Variants in MCF2 observed in about 807,000 individuals in gnomAD.
MCF2 encodes MCF.2 cell line derived transforming sequence, also known as proto-oncogene DBL.
MCF2 carries 44 observed loss-of-function variants against 82.5 expected under a neutral mutation model. The ratio of observed to expected loss-of-function variants is 0.53; its 90% CI spans 0.42 to 0.69. MCF2 has a LOEUF of 0.69. Ranked by LOEUF, MCF2 falls within the 30% of genes least tolerant of loss-of-function variation. The pLI is 0.00. For synonymous variants in MCF2, 217 were observed against 224.9 expected (o/e 0.96, Z 0.32); for missense variants, 623 against 663.1 (o/e 0.94, Z 0.66).
chrX:139,608,390 C>T (rs1382113463), intron 11 of MCF2, among the ~76,000 whole-genome samples: 1 of 111,359 alleles, frequency 9.0e-6, no homozygotes, highest in Non-Finnish European at 1.9e-5. Context: ...ACATGTTAGT[C>T]GCTATAAGTT....
At chrX:139,598,378 GAAAC>G (rs1930273927) in intron 17 of MCF2, 24 bp downstream of exon 21, 1 of 993,839 alleles carries the variant, frequency 1.0e-6, no homozygotes, top group Admixed American at 2.3e-5. Flanking sequence ...AAAAAGTAAA[GAAAC>G]AAACAAATGC....
At chrX:139,707,461 A>T (rs895196841) in intron 1 of MCF2, among the ~76,000 whole-genome samples, 1 of 111,405 alleles carries the variant, frequency 9.0e-6, no homozygotes, top group Non-Finnish European at 1.9e-5. Context: ...TTTGCTCTCC[A>T]AGTCTACATC....
At chrX:139,693,993 G>T (rs1935331581) in intron 1 of MCF2, among the ~76,000 whole-genome samples, 1 of 111,900 alleles carries the variant, frequency 8.9e-6, no homozygotes, top group Admixed American at 9.5e-5. Flanking sequence ...ATGTGTATGG[G>T]GATAGAAAAT....
At chrX:139,616,331 G>T (rs756317631) in exon 9 of MCF2, 2 of 1,166,364 alleles carry the variant, frequency 1.7e-6, no homozygotes, top group East Asian at 6.0e-5. Context: ...CAGTGTTTCA[G>T]GTTCATAATT....
intron 4 of MCF2, among the ~76,000 whole-genome samples, chrX:139,628,259 G>T (rs1403141286): frequency 8.9e-6 from 1 of 111,875 alleles, no homozygotes; most frequent in Non-Finnish European, 1.9e-5. Context: ...TAAAGAAAAT[G>T]TGGTACACAT....
At position 139,629,765 on chromosome X, in the gene MCF2, T is replaced by A. The variant is rs370549401; in HGVS notation, c.368A>T (p.Glu123Val). The A allele has an allele frequency of 5.0e-6, 6 of 1,208,003 alleles. No individual in the cohort carries two copies. The highest frequency in any genetic ancestry group is 2.2e-5 in the Admixed American group (1 of 45,933). Reference sequence around the variant, plus strand: ...TATTGAGGGAATATCATCTGGTAGTTCTGTCTCAGCCAGTTCAGTTCCAAA... The same window carrying A: ...TATTGAGGGAATATCATCTGGTAGTACTGTCTCAGCCAGTTCAGTTCCAAA... Residue 123 changes from glutamate (E) to valine (V), a missense_variant, in exon 4 of 25, where the codon GAA (glutamate) becomes GTA (valine). By Grantham distance (121) the Glu-to-Val change is moderately radical. Transcript: ENST00000370576.
rs773454383 is a variant in MCF2 at position 139,607,732 on chromosome X, G to A, written c.1449C>T (p.Ser483=). 3 of 1,203,992 alleles carry A rather than the reference G, an allele frequency of 2.5e-6. No homozygotes were observed. In the African/African-American group the frequency reaches 5.3e-5, roughly 21 times the overall value. ...AGCTATTGCCATTGTCCAAACTGGAGGATGGACCAGAACTTCTCTTCTCCT... is the reference window on the plus strand; with the variant it reads ...AGCTATTGCCATTGTCCAAACTGGAAGATGGACCAGAACTTCTCTTCTCCT... Residue 483 remains serine, a synonymous_variant, in exon 12 of 25, where the codon TCC becomes TCT. Transcript: ENST00000370576.
chrX:139,651,149 G>A (rs959082383), intron 2 of MCF2, among the ~76,000 whole-genome samples: 1 of 98,853 alleles, frequency 1.0e-5, no homozygotes, highest in Non-Finnish European at 1.9e-5. Flanking sequence ...ACTTAATGCC[G>A]CTGAACTGTA....
intron 1 of MCF2, among the ~76,000 whole-genome samples, chrX:139,705,395 T>C (rs975842655): frequency 4.5e-5 from 5 of 111,721 alleles, no homozygotes; most frequent in Non-Finnish European, 9.4e-5. Context: ...AATAGAGAAC[T>C]CAGAAATAAA....
At chrX:139,620,062 T>C (rs1932240894) in intron 6 of MCF2, among the ~76,000 whole-genome samples, 1 of 107,370 alleles carries the variant, frequency 9.3e-6, no homozygotes, top group Non-Finnish European at 1.9e-5. Flanking sequence ...AACAAAATCT[T>C]ACCTGAGAAT....
intron 2 of MCF2, among the ~76,000 whole-genome samples, chrX:139,650,100 A>G (rs1348709436): frequency 8.9e-6 from 1 of 112,035 alleles, no homozygotes; most frequent in Non-Finnish European, 1.9e-5. Flanking sequence ...CATGCCTGTA[A>G]TCACAGCACT....
intron 19 of MCF2, among the ~76,000 whole-genome samples, chrX:139,595,446 A>C (rs1929979377): frequency 9.3e-6 from 1 of 108,070 alleles, no homozygotes; most frequent in Admixed American, 1.0e-4. Context: ...ATGAAATTGG[A>C]AATCATCATT....
Position 139,616,481 on chromosome X carries a change from G to T in MCF2, c.1000-8C>A, listed in dbSNP as rs1223620696. 2.1e-6 allele frequency: 2 copies of T among 953,874 alleles called. No individual in the cohort carries two copies. The highest frequency in any genetic ancestry group is 1.4e-6 in the Non-Finnish European group (1 of 734,968). The allele number at this position is 953,874 out of a possible 1,213,427, so 78.6% of individuals were successfully genotyped here. On this transcript the variant is annotated splice_polypyrimidine_tract_variant and splice_region_variant and intron_variant, in intron 8 of 24. Transcript: ENST00000370576. Reference sequence around the variant, plus strand: ...ATCACAGCATTGACGAGCCTGGTAAGAAAATCAAGAAGAAAAAAAAAAAAT... The same window carrying T: ...ATCACAGCATTGACGAGCCTGGTAATAAAATCAAGAAGAAAAAAAAAAAAT...
upstream of MCF2, chrX:139,646,925 C>G: frequency 1.1e-6 from 1 of 883,179 alleles, no homozygotes. Context: ...GAAAAATAAT[C>G]AACTGAATTA....
intron 19 of MCF2, among the ~76,000 whole-genome samples, chrX:139,594,510 A>C (rs1300431725): frequency 9.1e-6 from 1 of 110,435 alleles, no homozygotes; most frequent in Admixed American, 9.7e-5. Flanking sequence ...TGCTGGGAAA[A>C]CTGGCTAGCC....
In MCF2 at chrX:139,673,173, A is replaced by AT. The variant is rs1188735581; in HGVS notation, c.-44-21386dup. ...GATCGGTGGTGATATCCCCCTTATCATTTTTTATTGCGTCTATTTGATTCT... is the reference window on the plus strand; with the variant it reads ...GATCGGTGGTGATATCCCCCTTATCATTTTTTTATTGCGTCTATTTGATTCT... On this transcript the variant is annotated intron_variant, in intron 1 of 27. Coordinates refer to the MCF2 transcript ENST00000414978. 6.3e-5 allele frequency among the ~76,000 whole-genome samples: 7 copies of AT among 111,553 alleles called. 1 individual carries two copies. In the South Asian group the frequency reaches 1.5e-3, roughly 24 times the overall value.
At chrX:139,632,719 A>G (rs868521711) in intron 1 of MCF2, among the ~76,000 whole-genome samples, 1 of 111,664 alleles carries the variant, frequency 9.0e-6, no homozygotes, top group Non-Finnish European at 1.9e-5. Flanking sequence ...TTATGAAGAA[A>G]TAGACTCTAA....
At chrX:139,707,537 G>T (rs978377240) in intron 1 of MCF2, among the ~76,000 whole-genome samples, 2 of 111,524 alleles carry the variant, frequency 1.8e-5, no homozygotes, top group African/African-American at 6.5e-5. Flanking sequence ...TGCTTAAAAA[G>T]AACTGGACAC....
rs1603294015 is a variant in MCF2, at chrX:139,629,968, C to G, written c.289-124G>C. The G allele has an allele frequency of 1.6e-5, 7 of 446,091 alleles. No individual in the cohort carries two copies. In the South Asian group the frequency reaches 3.5e-4, roughly 23 times the overall value. 36.8% of individuals were successfully genotyped at this position (446,091 alleles called of 1,213,427 possible). On this transcript the variant is annotated intron_variant, in intron 3 of 24. Transcript: ENST00000370576. Reference sequence around the variant, plus strand: ...GCAAACACATATACTATGAACTCTCCTCTGCTAGAGAAATATGGCATTGCT... The same window carrying G: ...GCAAACACATATACTATGAACTCTCGTCTGCTAGAGAAATATGGCATTGCT...
Sources: gnomAD v4.1 joint callset for allele counts (sites outside exome capture counted in the v4.1 genomes callset) on GRCh38, gnomAD v4.1.1 for gene constraint, MANE v1.5 for transcripts, NCBI Gene and HGNC (gene_info 2026-07-23, HGNC 2026-07-21) for gene names.